Variants in TEC observed in about 807,000 individuals in gnomAD.
TEC encodes tec protein tyrosine kinase, also known as tyrosine-protein kinase Tec.
Under a neutral mutation model 93.0 loss-of-function variants are expected in TEC, and 72 were observed. The ratio of observed to expected loss-of-function variants is 0.77; its 90% CI spans 0.64 to 0.94. TEC has a LOEUF of 0.94. Ranked by LOEUF, TEC falls within the 40% of genes least tolerant of loss-of-function variation. The pLI is 0.00. For synonymous variants in TEC, 249 were observed against 247.7 expected, an observed-to-expected ratio of 1.01 and a Z score of -0.05; for missense variants, 630 against 757.9, an observed-to-expected ratio of 0.83 and a Z score of 1.98.
In TEC at chr4:48,155,354, T is replaced by G. The variant is rs116310341; in HGVS notation, c.792+1326A>C. Among the ~76,000 whole-genome samples, 228 of 152,340 alleles carry G rather than the reference T, an allele frequency of 1.5e-3. 1 individual carries two copies. Among genetic ancestry groups the G allele is most frequent in the African/African-American group, 5.3e-3 (222 of 41,582 alleles). On this transcript the variant is annotated intron_variant, in intron 9 of 17. Transcript: ENST00000381501. Reference sequence around the variant, plus strand: ...GCTCATAGCGTAGAGGAAGTTGGAATGCTGGTAGGGACAAATTTTCTACTT... The same window carrying G: ...GCTCATAGCGTAGAGGAAGTTGGAAGGCTGGTAGGGACAAATTTTCTACTT...
intron 8 of TEC, among the ~76,000 whole-genome samples, chr4:48,160,240 G>A (rs1373324789): frequency 2.0e-5 from 3 of 152,298 alleles, no homozygotes; most frequent in African/African-American, 2.4e-5. Flanking sequence ...AGCCTGTGCA[G>A]TGCTAAAATG....
chr4:48,168,758 G>T, intron 5 of TEC, 132 bp from the exon 6 acceptor site: 2 of 835,478 alleles, frequency 2.4e-6, no homozygotes, highest in Non-Finnish European at 3.9e-6. Flanking sequence ...CAACTCTGGT[G>T]TATGCTGCTT....
At chr4:48,239,605 A>G (rs1723872657) in intron 1 of TEC, among the ~76,000 whole-genome samples, 2 of 152,312 alleles carry the variant, frequency 1.3e-5, no homozygotes, top group South Asian at 4.1e-4. Context: ...TCAAATGCCA[A>G]TGTTTGTTCC....
intron 2 of TEC, among the ~76,000 whole-genome samples, chr4:48,181,771 A>C (rs1330467763): frequency 4.6e-5 from 7 of 152,094 alleles, no homozygotes; most frequent in Non-Finnish European, 1.0e-4. Flanking sequence ...ATGCTATCCC[A>C]TGCACTTTCT....
At chr4:48,185,165 G>A (rs73244498) in intron 2 of TEC, among the ~76,000 whole-genome samples, 6,505 of 152,246 alleles carry the variant, frequency 0.043, 177 homozygotes, top group South Asian at 0.064. Flanking sequence ...AGTCAATAGT[G>A]AAAGACTAAA....
intron 3 of TEC, among the ~76,000 whole-genome samples, chr4:48,173,292 C>T (rs564458563): frequency 6.6e-6 from 1 of 152,284 alleles, no homozygotes; most frequent in Non-Finnish European, 1.5e-5. Flanking sequence ...GACTAGCTAA[C>T]CGCCTCCCCC....
intron 3 of TEC, among the ~76,000 whole-genome samples, chr4:48,172,229 AT>A (rs1345967397): frequency 1.3e-5 from 2 of 151,038 alleles, no homozygotes; most frequent in Non-Finnish European, 2.9e-5. Context: ...TAAGCCAGAA[AT>A]TTTTTCATTT....
chr4:48,176,966 G>A (rs566660082), intron 2 of TEC, among the ~76,000 whole-genome samples: 8 of 152,310 alleles, frequency 5.3e-5, no homozygotes, highest in African/African-American at 1.9e-4. Context: ...AGAGTTATGT[G>A]AGGTGGACTT....
Position 48,256,749 on chromosome 4 carries a change from G to A in TEC, c.-46+13003C>T, listed in dbSNP as rs539030241. 5.3e-5 allele frequency among the ~76,000 whole-genome samples: 8 copies of A among 152,236 alleles called. No individual in the cohort carries two copies. In the South Asian group the frequency reaches 1.2e-3, roughly 24 times the overall value. Reference sequence around the variant, plus strand: ...ATAAATGACATCTCAGAATTTTGTAGTGTATAACCTGCACATTATATATAG... The same window carrying A: ...ATAAATGACATCTCAGAATTTTGTAATGTATAACCTGCACATTATATATAG... On this transcript the variant is annotated intron_variant, in intron 1 of 17. Coordinates refer to ENST00000381501, the MANE Select transcript of TEC (RefSeq NM_003215.3).
At chr4:48,164,038 T>G (rs1354891449) in intron 7 of TEC, among the ~76,000 whole-genome samples, 3 of 152,146 alleles carry the variant, frequency 2.0e-5, no homozygotes, top group Non-Finnish European at 4.4e-5. Context: ...GTTATAGGAT[T>G]TTTTTTCCCA....
chr4:48,140,177 T>C (rs1466913983), intron 15 of TEC, among the ~76,000 whole-genome samples: 1 of 152,220 alleles, frequency 6.6e-6, no homozygotes, highest in African/African-American at 2.4e-5. Flanking sequence ...GGCCTGAGTT[T>C]CCTTAGGAGT....
Position 48,137,245 on chromosome 4 carries a change from T to G in TEC, c.*171A>C, listed in dbSNP as rs1269848174. On this transcript the variant is annotated 3_prime_UTR_variant, in exon 18 of 18. Coordinates refer to ENST00000381501, the MANE Select transcript of TEC (RefSeq NM_003215.3). ...GGCAACATTTCCACACTCTGGGAGA[T>G]TCTGTCTAGAAGCAAGTCTAGACAG... 1.0e-5 allele frequency: 6 copies of G among 594,612 alleles called. No homozygotes were observed. Among genetic ancestry groups the G allele is most frequent in the Admixed American group, 3.1e-5 (1 of 31,804 alleles). 36.8% of individuals were successfully genotyped at this position (594,612 alleles called of 1,614,324 possible). A position where few individuals can be genotyped will look rare whatever the true frequency, so the allele number is the denominator to read the frequency against.
intron 2 of TEC, among the ~76,000 whole-genome samples, chr4:48,223,830 C>T (rs1055709264): frequency 6.6e-6 from 1 of 152,188 alleles, no homozygotes; most frequent in Non-Finnish European, 1.5e-5. Context: ...GACCTGCTTT[C>T]CTTCTGGAGT....
At chr4:48,246,065 C>T (rs375892269) in intron 1 of TEC, among the ~76,000 whole-genome samples, 24 of 152,228 alleles carry the variant, frequency 1.6e-4, no homozygotes, top group African/African-American at 5.1e-4. Context: ...GCCGAGATCA[C>T]GCCACTGCAC....
chr4:48,187,139 CG>C (rs1489849866), intron 2 of TEC, among the ~76,000 whole-genome samples: 1 of 152,172 alleles, frequency 6.6e-6, no homozygotes, highest in Non-Finnish European at 1.5e-5. Flanking sequence ...ACCCCCAACC[CG>C]GTGCTCTCTG....
intron 8 of TEC, among the ~76,000 whole-genome samples, chr4:48,160,858 G>GTA (rs1577710286): frequency 6.7e-6 from 1 of 148,980 alleles, no homozygotes. Context: ...AGGGAGGAAG[G>GTA]GAGGAAGGAA....
chr4:48,145,473 T>C lies in TEC; in HGVS notation c.1188A>G (p.Ala396=), dbSNP rs1172803078. ...TTGCACCTTCCCGAATAGCTTTGAT[T>C]GCGACTTTGTACTGGGCTCGCCATT... ...LGKWRAQYKV[A]IKAIREGAMC... The change falls in exon 13 of 18, where the codon GCA becomes GCG. Residue 396 remains alanine, a synonymous_variant. Coordinates refer to ENST00000381501, the MANE Select transcript of TEC (RefSeq NM_003215.3). The C allele has an allele frequency of 3.1e-6, 5 of 1,614,196 alleles. No homozygotes were observed. Among genetic ancestry groups the C allele is most frequent in the Non-Finnish European group, 4.2e-6 (5 of 1,180,030 alleles).
At chr4:48,158,832 G>A (rs960596169) in intron 8 of TEC, among the ~76,000 whole-genome samples, 22 of 152,178 alleles carry the variant, frequency 1.4e-4, no homozygotes, top group African/African-American at 4.8e-4. Context: ...CAAAAGGAAG[G>A]CTCTTGAAAA....
chr4:48,208,395 C>G (rs563752622), intron 2 of TEC, among the ~76,000 whole-genome samples: 63 of 152,256 alleles, frequency 4.1e-4, no homozygotes, highest in African/African-American at 1.5e-3. Flanking sequence ...CATGAATTAG[C>G]AACATCTTGT....
Sources: gnomAD v4.1 joint callset for allele counts (sites outside exome capture counted in the v4.1 genomes callset) on GRCh38, gnomAD v4.1.1 for gene constraint, MANE v1.5 for transcripts, NCBI Gene and HGNC (gene_info 2026-07-23, HGNC 2026-07-21) for gene names.